Variants in SMURF1 observed in about 807,000 individuals in gnomAD.
SMURF1 encodes the protein SMAD specific E3 ubiquitin protein ligase 1.
In SMURF1, 44 loss-of-function variants were observed where a neutral mutation model predicts 98.0. The ratio of observed to expected loss-of-function variants is 0.45; its 90% CI spans 0.35 to 0.58. SMURF1 has a LOEUF of 0.58. Among genes scored for constraint, SMURF1 ranks in the 20% least tolerant of loss-of-function variants. SMURF1 has a pLI of 0.00. For missense variants in SMURF1, 687 were observed against 938.4 expected, an observed-to-expected ratio of 0.73 and a Z score of 3.50; for synonymous variants, 396 against 374.9, an observed-to-expected ratio of 1.06 and a Z score of -0.65.
chr7:99,117,540 G>A (rs1280205524), intron 1 of SMURF1, among the ~76,000 whole-genome samples: 3 of 151,190 alleles, frequency 2.0e-5, no homozygotes, highest in African/African-American at 4.9e-5. Flanking sequence ...TAGTAGAGAC[G>A]GGGTTTCACC....
At position 99,057,605 on chromosome 7, in the gene SMURF1, G is replaced by GTTTT. The variant is rs548576398; in HGVS notation, c.204-58_204-55dup. On this transcript the variant is annotated intron_variant, in intron 3 of 17. Coordinates refer to ENST00000361368, the MANE Select transcript of SMURF1 (RefSeq NM_181349.3). ...AATTGTGTTTGGTTTTTTTTGTTTT[G>GTTTT]TTTTTTTTTTTTTTTGAGATAGAAT... 181 of 1,104,962 alleles carry GTTTT rather than the reference G, an allele frequency of 1.6e-4. No individual in the cohort carries two copies. The African/African-American group carries it at 2.0e-3, about 12-fold the overall frequency. 68.4% of individuals were successfully genotyped at this position (1,104,962 alleles called of 1,614,324 possible).
chr7:99,046,219 G>GT (rs1795569085), intron 10 of SMURF1, among the ~76,000 whole-genome samples: 2 of 152,086 alleles, frequency 1.3e-5, no homozygotes, highest in Non-Finnish European at 2.9e-5. Flanking sequence ...TATATCTAAA[G>GT]TGAAAAATCA....
chr7:99,099,784 G>A (rs1046006117), intron 1 of SMURF1, among the ~76,000 whole-genome samples: 1 of 152,196 alleles, frequency 6.6e-6, no homozygotes, highest in Non-Finnish European at 1.5e-5. Flanking sequence ...CTCTGGCCAT[G>A]TGGTTTCTTT....
At chr7:99,036,559 A>C (rs1393087203) in intron 15 of SMURF1, 1 of 153,266 alleles carries the variant, frequency 6.5e-6, no homozygotes, top group African/African-American at 2.5e-5. Context: ...AGCTCTCCTC[A>C]CTGGCAGCAG....
rs1270503601 is a variant in SMURF1 at position 99,144,019 on chromosome 7, G to GCCGCCGCCT, written c.-248_-240dup. 6.0e-6 allele frequency: 1 copy of GCCGCCGCCT among 167,518 alleles called. No homozygotes were observed. Among genetic ancestry groups the GCCGCCGCCT allele is most frequent in the Non-Finnish European group, 1.1e-5 (1 of 88,470 alleles). The allele number at this position is 167,518 out of a possible 1,614,324, so 10.4% of individuals were successfully genotyped here. ...TTCCAGCCGAGCCCAGTCCCGAGCCGCCGCCGCCTCCGCCGCCGCCTCCGC... is the reference window on the plus strand; with the variant it reads ...TTCCAGCCGAGCCCAGTCCCGAGCCGCCGCCGCCTCCGCCGCCTCCGCCGCCGCCTCCGC... On this transcript the variant is annotated 5_prime_UTR_variant, in exon 1 of 18. Coordinates refer to ENST00000361368, the MANE Select transcript of SMURF1 (RefSeq NM_181349.3).
chr7:99,107,126 C>G (rs1161708379), intron 1 of SMURF1, among the ~76,000 whole-genome samples: 1 of 152,158 alleles, frequency 6.6e-6, no homozygotes, highest in Non-Finnish European at 1.5e-5. Context: ...TAGAGAGTTC[C>G]CATCACCTCT....
chr7:99,030,604 A>C lies in SMURF1; in HGVS notation c.2176T>G (p.Cys726Gly), dbSNP rs745417587. 2 of 1,614,168 alleles carry C rather than the reference A, an allele frequency of 1.2e-6. No homozygotes were observed. Among genetic ancestry groups the C allele is most frequent in the Non-Finnish European group, 1.7e-6 (2 of 1,180,024 alleles). ...EKLLTAVEET[C>G]GFAVE ...GCTTTTCACTCCACAGCAAACCCGC[A>C]GGTCTCCTCCACGGCTGTCAGCAGC... The change falls in exon 18 of 18, where the codon TGC becomes GGC. Residue 726 changes from cysteine (C) to glycine (G), a missense_variant. Coordinates refer to ENST00000361368, the MANE Select transcript of SMURF1 (RefSeq NM_181349.3).
chr7:99,131,159 C>T (rs1484478224), intron 1 of SMURF1, among the ~76,000 whole-genome samples: 1 of 152,162 alleles, frequency 6.6e-6, no homozygotes, highest in Non-Finnish European at 1.5e-5. Context: ...AGTGAAGTCA[C>T]TAAAATTCTC....
chr7:99,093,017 G>A (rs1219857364), intron 1 of SMURF1, among the ~76,000 whole-genome samples: 1 of 152,020 alleles, frequency 6.6e-6, no homozygotes, highest in Middle Eastern at 3.2e-3. Context: ...CACACCCCAG[G>A]AACTATACAC....
chr7:99,108,389 T>C (rs13237374), intron 1 of SMURF1, among the ~76,000 whole-genome samples: 145,367 of 151,794 alleles, frequency 0.96, 69,872 homozygotes, highest in East Asian at 1. Flanking sequence ...GCGGGCAGAT[T>C]ACCTAAGGTC....
chr7:99,034,148 C>T (rs1213880263), intron 16 of SMURF1, among the ~76,000 whole-genome samples: 1 of 152,198 alleles, frequency 6.6e-6, no homozygotes, highest in Non-Finnish European at 1.5e-5. Context: ...GCCCCAGCCT[C>T]CTGGGGAGTC....
At position 99,068,163 on chromosome 7, in the gene SMURF1, G is replaced by C. The variant is rs964331877; in HGVS notation, c.56-6326C>G. 4.6e-5 allele frequency among the ~76,000 whole-genome samples: 7 copies of C among 152,082 alleles called. No individual in the cohort carries two copies. In the East Asian group the frequency reaches 1.3e-3, roughly 29 times the overall value. On this transcript the variant is annotated intron_variant, in intron 1 of 17. Coordinates refer to ENST00000361368, the MANE Select transcript of SMURF1 (RefSeq NM_181349.3). ...CCAAGTCCTATCACTATCTTCTTCT[G>C]AATGTCTCTTGAATTTGTCTGTTCT... is the stretch of plus-strand genomic sequence containing the variant.
intron 1 of SMURF1, among the ~76,000 whole-genome samples, chr7:99,143,126 G>A: frequency 6.9e-6 from 1 of 144,868 alleles, no homozygotes; most frequent in Non-Finnish European, 1.5e-5. Flanking sequence ...GCGAGGGGGC[G>A]GGGACAGAAA....
intron 14 of SMURF1, 63 bp downstream of exon 14, chr7:99,038,325 A>G: frequency 6.3e-7 from 1 of 1,586,676 alleles, no homozygotes; most frequent in Admixed American, 1.7e-5. Flanking sequence ...AAGGAGCTAC[A>G]GCAACTAAAT....
chr7:99,071,402 G>C (rs1357245771), intron 1 of SMURF1, among the ~76,000 whole-genome samples: 1 of 152,166 alleles, frequency 6.6e-6, no homozygotes, highest in Non-Finnish European at 1.5e-5. Context: ...AAGCTCTCAT[G>C]AAGGAACCGT....
chr7:99,053,930 T>C (rs752322083), intron 6 of SMURF1, among the ~76,000 whole-genome samples: 21 of 152,162 alleles, frequency 1.4e-4, no homozygotes, highest in Admixed American at 9.8e-4. Flanking sequence ...ATGGCAGTTA[T>C]AATTCTTTTC....
chr7:99,085,117 G>A lies in SMURF1; in HGVS notation c.56-23280C>T, dbSNP rs185828940. 7.9e-5 allele frequency among the ~76,000 whole-genome samples: 12 copies of A among 152,068 alleles called. No individual in the cohort carries two copies. In the East Asian group the frequency reaches 9.7e-4, roughly 12 times the overall value. ...TATAATCCCAGCACTTTGGGAGGCC[G>A]AGGTGGGTGGATCACCTGAGGTCAG... is the stretch of plus-strand genomic sequence containing the variant. On this transcript the variant is annotated intron_variant, in intron 1 of 17. Coordinates refer to ENST00000361368, the MANE Select transcript of SMURF1 (RefSeq NM_181349.3).
At chr7:99,124,606 T>C (rs997975893) in intron 1 of SMURF1, among the ~76,000 whole-genome samples, 1 of 151,946 alleles carries the variant, frequency 6.6e-6, no homozygotes, top group African/African-American at 2.4e-5. Context: ...AAAAAGGTTT[T>C]AAGCAGTATC....
chr7:99,100,320 C>T (rs1369602397), intron 1 of SMURF1, among the ~76,000 whole-genome samples: 3 of 152,176 alleles, frequency 2.0e-5, no homozygotes, highest in Non-Finnish European at 4.4e-5. Flanking sequence ...TTCGGGAGGC[C>T]GAGGAGTGTG....
Sources: allele counts gnomAD v4.1 joint callset (sites outside exome capture counted in the v4.1 genomes callset), GRCh38; gene constraint gnomAD v4.1.1; transcripts MANE v1.5; gene names NCBI Gene and HGNC (gene_info 2026-07-23, HGNC 2026-07-21).